Variants in RTL4 observed in about 807,000 individuals in gnomAD.
The protein encoded by RTL4 is retrotransposon Gag like 4.
In RTL4, 4 loss-of-function variants were observed where a neutral mutation model predicts 5.3. That is an observed-to-expected ratio of 0.75 (90% CI 0.37 to 1.72). The LOEUF (loss-of-function observed/expected upper bound fraction) is 1.72, where lower values mean the gene tolerates loss of function less well. RTL4 is among the 40% of genes most tolerant of loss of function. The pLI is 0.04. For missense variants in RTL4, 260 were observed against 227.1 expected, an observed-to-expected ratio of 1.14 and a Z score of -0.93; for synonymous variants, 98 against 87.3, an observed-to-expected ratio of 1.12 and a Z score of -0.68.
chrX:112,289,530 T>C, the RTL4 span, among the ~76,000 whole-genome samples: 1 of 112,301 alleles, frequency 8.9e-6, no homozygotes, highest in South Asian at 3.7e-4. Flanking sequence ...ATAGACCATT[T>C]TGTTTTGTAT....
chrX:112,361,666 G>A, the RTL4 span, among the ~76,000 whole-genome samples: 3 of 110,653 alleles, frequency 2.7e-5, no homozygotes, highest in East Asian at 5.8e-4. Context: ...CCTCTGCCAC[G>A]TCTGGACAAT....
At chrX:112,165,921 T>C in the RTL4 span, among the ~76,000 whole-genome samples, 2 of 112,499 alleles carry the variant, frequency 1.8e-5, no homozygotes, top group African/African-American at 6.5e-5. Context: ...ATGTAATCAT[T>C]AGAAATGGAA....
chrX:112,114,590 C>T, the RTL4 span, among the ~76,000 whole-genome samples: 53 of 111,596 alleles, frequency 4.7e-4, no homozygotes, highest in African/African-American at 1.2e-3. Flanking sequence ...GACATGTACC[C>T]TGGTTGGGCC....
chrX:112,395,205 C>T, the RTL4 span, among the ~76,000 whole-genome samples: 4 of 111,368 alleles, frequency 3.6e-5, no homozygotes, highest in African/African-American at 1.3e-4. Context: ...ATACAGAAAC[C>T]TTTAAAACAT....
chrX:112,246,380 T>G, the RTL4 span, among the ~76,000 whole-genome samples: 1 of 111,124 alleles, frequency 9.0e-6, no homozygotes, highest in Admixed American at 9.5e-5. Context: ...CCACCCAGTT[T>G]GAGCTTCCCC....
At chrX:112,249,953 A>G in the RTL4 span, among the ~76,000 whole-genome samples, 5 of 110,657 alleles carry the variant, frequency 4.5e-5, no homozygotes, top group Middle Eastern at 9.3e-3. Flanking sequence ...TCTTCTACAT[A>G]GTCACAAAGA....
chrX:112,417,495 T>C, the RTL4 span, among the ~76,000 whole-genome samples: 3 of 111,971 alleles, frequency 2.7e-5, no homozygotes, highest in East Asian at 8.5e-4. Context: ...CCCCACATAG[T>C]TTTTTGTTTT....
the RTL4 span, among the ~76,000 whole-genome samples, chrX:112,255,364 A>G: frequency 8.9e-6 from 1 of 111,988 alleles, no homozygotes; most frequent in African/African-American, 3.2e-5. Context: ...GAGGGACAAG[A>G]TACAACGTAT....
At chrX:112,405,783 C>T in the RTL4 span, among the ~76,000 whole-genome samples, 2 of 110,882 alleles carry the variant, frequency 1.8e-5, no homozygotes, top group Non-Finnish European at 3.8e-5. Context: ...TGACCACTAA[C>T]GCTCCTTGGT....
At chrX:112,342,419 A>C in the RTL4 span, among the ~76,000 whole-genome samples, 1 of 111,599 alleles carries the variant, frequency 9.0e-6, no homozygotes, top group African/African-American at 3.3e-5. Flanking sequence ...GCATGGAGAT[A>C]TTTGAGAACC....
At chrX:112,352,815 G>A in the RTL4 span, among the ~76,000 whole-genome samples, 1 of 111,579 alleles carries the variant, frequency 9.0e-6, no homozygotes, top group East Asian at 2.8e-4. Flanking sequence ...GGCAACAAAA[G>A]ACAAAATTGA....
chrX:112,353,033 G>A, the RTL4 span, among the ~76,000 whole-genome samples: 5 of 111,869 alleles, frequency 4.5e-5, no homozygotes, highest in East Asian at 1.1e-3. Flanking sequence ...GATATGAACA[G>A]ACGCTTCTCA....
chrX:112,118,455 C>T, the RTL4 span, among the ~76,000 whole-genome samples: 6 of 112,279 alleles, frequency 5.3e-5, no homozygotes, highest in Non-Finnish European at 5.6e-5. Flanking sequence ...CAGCTGACAA[C>T]CCCTAGAGTT....
At chrX:112,102,833 G>T in the RTL4 span, among the ~76,000 whole-genome samples, 1 of 111,756 alleles carries the variant, frequency 8.9e-6, no homozygotes, top group Admixed American at 9.5e-5. Context: ...TGAATAAAAG[G>T]TCAACATCAC....
At chrX:112,342,328 C>T in the RTL4 span, among the ~76,000 whole-genome samples, 33 of 111,641 alleles carry the variant, frequency 3.0e-4, no homozygotes, top group Non-Finnish European at 1.3e-4. Context: ...CCCACCTCCA[C>T]AGATTCTGAT....
chrX:112,456,014 G>A (rs1926837495), exon 1 of RTL4: 1 of 282,999 alleles, frequency 3.5e-6, no homozygotes, highest in African/African-American at 2.8e-5. Context: ...CATCTGGGTT[G>A]AGTTTGTGTC....
At chrX:112,355,364 T>C in the RTL4 span, among the ~76,000 whole-genome samples, 198 of 111,073 alleles carry the variant, frequency 1.8e-3, no homozygotes, top group African/African-American at 6.1e-3. Context: ...GAAGGACTAG[T>C]AAGGAAGGAA....
At chrX:112,397,244 A>G in the RTL4 span, among the ~76,000 whole-genome samples, 1 of 111,997 alleles carries the variant, frequency 8.9e-6, no homozygotes, top group Non-Finnish European at 1.9e-5. Context: ...CATATATCCT[A>G]TATACATTTT....
chrX:112,257,293 C>T, the RTL4 span, among the ~76,000 whole-genome samples: 20 of 111,377 alleles, frequency 1.8e-4, no homozygotes, highest in African/African-American at 6.5e-4. Flanking sequence ...CTAAACCATC[C>T]TTGCAGTCTT....
Sources: allele counts gnomAD v4.1 joint callset (sites outside exome capture counted in the v4.1 genomes callset), GRCh38; gene constraint gnomAD v4.1.1; transcripts MANE v1.5; gene names NCBI Gene and HGNC (gene_info 2026-07-23, HGNC 2026-07-21).